TRAT1: variants seen among roughly 807,000 people sequenced by gnomAD.
TRAT1 encodes T-cell receptor-associated transmembrane adapter 1.
In TRAT1, 20 loss-of-function variants were observed where a neutral mutation model predicts 20.0. The ratio of observed to expected loss-of-function variants is 1.00; its 90% CI spans 0.70 to 1.45. The LOEUF (loss-of-function observed/expected upper bound fraction) is 1.45. Ranked by LOEUF, TRAT1 falls within the 40% of genes most tolerant of loss-of-function variation. The probability of loss-of-function intolerance (pLI) is 0.00; values close to 1 mark genes in which losing one functional copy is unlikely to be tolerated. For missense variants in TRAT1, 237 were observed against 224.1 expected (o/e 1.06, Z -0.37); for synonymous variants, 77 against 74.2 (o/e 1.04, Z -0.20).
intron 3 of TRAT1, among the ~76,000 whole-genome samples, chr3:108,842,928 C>T (rs556882374): frequency 5.3e-5 from 8 of 152,312 alleles, no homozygotes; most frequent in African/African-American, 1.9e-4. Flanking sequence ...CATTAACCAT[C>T]ACTTCAGAGA....
intron 1 of TRAT1, among the ~76,000 whole-genome samples, chr3:108,830,144 A>G (rs34726830): frequency 0.17 from 25,997 of 152,144 alleles, 3,032 homozygotes; most frequent in East Asian, 0.6. Context: ...ATGGGGCTCT[A>G]CATAGTATGA....
At position 108,824,145 on chromosome 3, in the gene TRAT1, C is replaced by T. The variant is rs573442813; in HGVS notation, c.7+1211C>T. On this transcript the variant is annotated intron_variant, in intron 1 of 5. Transcript: ENST00000295756. ...TTGGCCTCCCAAAGTGCTGAGATTA[C>T]AGGCGTGAGCCACTGCGCCCAGCCC... Among the ~76,000 whole-genome samples the T allele has an allele frequency of 2.0e-3, 303 of 152,324 alleles. 2 individuals are homozygous for T. Among genetic ancestry groups the T allele is most frequent in the Non-Finnish European group, 3.7e-3 (250 of 68,030 alleles).
chr3:108,836,014 G>T (rs1945837370), intron 2 of TRAT1, among the ~76,000 whole-genome samples: 1 of 152,118 alleles, frequency 6.6e-6, no homozygotes, highest in African/African-American at 2.4e-5. Context: ...CTGCCTCCTG[G>T]ATTCAAGCGA....
At chr3:108,829,586 A>AACACACAC (rs144318236) in intron 1 of TRAT1, among the ~76,000 whole-genome samples, 9,967 of 142,414 alleles carry the variant, frequency 0.07, 451 homozygotes, top group East Asian at 0.19. Context: ...TCCATCTCAA[A>AACACACAC]ACACACACAC....
intron 1 of TRAT1, among the ~76,000 whole-genome samples, chr3:108,826,377 GAC>G (rs1477972982): frequency 6.6e-6 from 1 of 152,000 alleles, no homozygotes; most frequent in Non-Finnish European, 1.5e-5. Context: ...GTTCATAATA[GAC>G]ACATAAGGTC....
At chr3:108,842,942 C>T (rs1559823689) in intron 3 of TRAT1, among the ~76,000 whole-genome samples, 1 of 152,176 alleles carries the variant, frequency 6.6e-6, no homozygotes, top group Non-Finnish European at 1.5e-5. Flanking sequence ...TCAGAGACAA[C>T]ACTGCTGGAT....
intron 4 of TRAT1, among the ~76,000 whole-genome samples, chr3:108,847,740 C>T (rs2107515221): frequency 6.6e-6 from 1 of 152,176 alleles, no homozygotes; most frequent in Admixed American, 6.5e-5. Flanking sequence ...AACAGATAAC[C>T]TTGGTCTGAT....
chr3:108,829,751 T>C (rs936611680), intron 1 of TRAT1, among the ~76,000 whole-genome samples: 2 of 152,214 alleles, frequency 1.3e-5, no homozygotes, highest in South Asian at 2.1e-4. Context: ...CATATGTTTA[T>C]GGTGATGCTG....
chr3:108,853,823 T>A lies in TRAT1; in HGVS notation c.507T>A (p.Asp169Glu). 6.2e-7 allele frequency: 1 copy of A among 1,614,000 alleles called. No homozygotes were observed. The highest frequency in any genetic ancestry group is 1.3e-5 in the African/African-American group (1 of 75,058). The change falls in exon 6 of 6, where the codon GAT becomes GAA. Residue 169 changes from aspartate to glutamate, a missense_variant. By Grantham distance (45) the Asp-to-Glu change is conservative. Coordinates refer to ENST00000295756, the MANE Select transcript of TRAT1 (RefSeq NM_016388.4). ...AGGCAGTAGAGGAAAACATTCATGATGATCCCATCAGACTGTTTGGATTGA... is the reference window on the plus strand; with the variant it reads ...AGGCAGTAGAGGAAAACATTCATGAAGATCCCATCAGACTGTTTGGATTGA... The part of the protein sequence containing the change: ...ESQAVEENIH[D>E]DPIRLFGLIR...
chr3:108,824,015 G>A (rs1183333003), intron 1 of TRAT1, among the ~76,000 whole-genome samples: 1 of 152,056 alleles, frequency 6.6e-6, no homozygotes. Context: ...GGGACTACAG[G>A]CGCGTGCCAC....
In TRAT1 at chr3:108,845,503, C is replaced by T. The variant is rs147880494; in HGVS notation, c.153-1565C>T. Among the ~76,000 whole-genome samples the T allele has an allele frequency of 1.4e-4, 21 of 152,204 alleles. No individual in the cohort carries two copies. The East Asian group carries it at 3.1e-3, about 22-fold the overall frequency. On this transcript the variant is annotated intron_variant, in intron 3 of 5. Transcript: ENST00000295756. Reference sequence around the variant, plus strand: ...CCAATATTAAGCTGTATTGAATTACCGGATGGAAAAAAGGTTACAGATGAG... The same window carrying T: ...CCAATATTAAGCTGTATTGAATTACTGGATGGAAAAAAGGTTACAGATGAG...
Position 108,838,344 on chromosome 3 carries a change from GATATAGATAGATGATAGAT to G in TRAT1, c.119-588_119-570del, listed in dbSNP as rs1423327864. ...TAGATAGATAGATAGATAGATGATAGATATAGATAGATGATAGATAGATAGATAGATAGATAGATAGATA... is the reference window on the plus strand; with the variant it reads ...TAGATAGATAGATAGATAGATGATAGAGATAGATAGATAGATAGATAGATA... On this transcript the variant is annotated intron_variant, in intron 2 of 5. Coordinates refer to ENST00000295756, the MANE Select transcript of TRAT1 (RefSeq NM_016388.4). 7.0e-3 allele frequency among the ~76,000 whole-genome samples: 612 copies of G among 86,844 alleles called. 9 individuals are homozygous for G. Among genetic ancestry groups the G allele is most frequent in the African/African-American group, 0.036 (571 of 15,766 alleles). 57.0% of individuals were successfully genotyped at this position (86,844 alleles called of 152,430 possible).
chr3:108,839,029 T>C lies in TRAT1; in HGVS notation c.152+62T>C, dbSNP rs541021658. On this transcript the variant is annotated intron_variant, in intron 3 of 5. Transcript: ENST00000295756. ...CTAATAAGCAAAAGTAACAATGCTA[T>C]ATTGTTTAAAGATTTGGCTCATGGA... 3.0e-5 allele frequency: 39 copies of C among 1,283,132 alleles called. No homozygotes were observed. In the South Asian group the frequency reaches 4.1e-4, roughly 14 times the overall value. The allele number at this position is 1,283,132 out of a possible 1,614,324, so 79.5% of individuals were successfully genotyped here.
At chr3:108,829,616 C>CACACACACACACA (rs1204012891) in intron 1 of TRAT1, among the ~76,000 whole-genome samples, 1 of 151,700 alleles carries the variant, frequency 6.6e-6, no homozygotes, top group Admixed American at 6.6e-5. Flanking sequence ...CACACACACA[C>CACACACACACACA]AACGTTTTGG....
At chr3:108,823,674 T>C (rs1325360070) in intron 1 of TRAT1, among the ~76,000 whole-genome samples, 1 of 152,230 alleles carries the variant, frequency 6.6e-6, no homozygotes, top group African/African-American at 2.4e-5. Flanking sequence ...ATTTTATTTA[T>C]ATACATTCTA....
intron 4 of TRAT1, among the ~76,000 whole-genome samples, chr3:108,848,672 A>G (rs1945969184): frequency 6.6e-6 from 1 of 152,224 alleles, no homozygotes; most frequent in Non-Finnish European, 1.5e-5. Flanking sequence ...AAGTCATAAT[A>G]TAAACCCTCT....
At chr3:108,844,166 T>C (rs991344715) in intron 3 of TRAT1, among the ~76,000 whole-genome samples, 4 of 152,220 alleles carry the variant, frequency 2.6e-5, no homozygotes, top group African/African-American at 7.2e-5. Flanking sequence ...AAAAAGTCTT[T>C]CAATTTTATT....
At chr3:108,844,126 GC>G (rs1220034209) in intron 3 of TRAT1, among the ~76,000 whole-genome samples, 3 of 152,118 alleles carry the variant, frequency 2.0e-5, no homozygotes, top group Admixed American at 2.0e-4. Context: ...AACTTCTCAG[GC>G]CCTTAAAATA....
rs554420021 is a variant in TRAT1, at chr3:108,851,201, G to T, written c.303+1947G>T. 3.9e-5 allele frequency among the ~76,000 whole-genome samples: 6 copies of T among 152,288 alleles called. No individual in the cohort carries two copies. The East Asian group carries it at 1.2e-3, about 29-fold the overall frequency. Reference sequence around the variant, plus strand: ...AAGGAACTAGGATATTATGCATAAAGCTTGATAGACAAAGTGTTTCTTCGT... The same window carrying T: ...AAGGAACTAGGATATTATGCATAAATCTTGATAGACAAAGTGTTTCTTCGT... On this transcript the variant is annotated intron_variant, in intron 5 of 5. Transcript: ENST00000295756.
Sources: gnomAD v4.1 joint callset for allele counts (sites outside exome capture counted in the v4.1 genomes callset) on GRCh38, gnomAD v4.1.1 for gene constraint, MANE v1.5 for transcripts, NCBI Gene and HGNC (gene_info 2026-07-23, HGNC 2026-07-21) for gene names.